MARCHF5: variants seen among roughly 807,000 people sequenced by gnomAD.
MARCHF5 encodes the protein E3 ubiquitin-protein ligase MARCHF5.
In MARCHF5, 5 loss-of-function variants were observed where a neutral mutation model predicts 36.5. The observed-to-expected ratio is 0.14, with a 90% CI of 0.07 to 0.29. MARCHF5 has a LOEUF of 0.29. MARCHF5 is among the 10% of genes least tolerant of loss of function. MARCHF5 has a pLI of 1.00. For missense variants in MARCHF5, 179 were observed against 336.3 expected, an observed-to-expected ratio of 0.53 and a Z score of 3.66; for synonymous variants, 103 against 109.9, an observed-to-expected ratio of 0.94 and a Z score of 0.39.
intron 2 of MARCHF5, among the ~76,000 whole-genome samples, chr10:92,338,246 A>G (rs916977087): frequency 2.0e-5 from 3 of 152,108 alleles, no homozygotes; most frequent in Non-Finnish European, 2.9e-5. Context: ...TTTTATATAT[A>G]CTTACGGTCT....
chr10:92,326,683 C>G (rs1248468404), intron 2 of MARCHF5, among the ~76,000 whole-genome samples: 3 of 151,918 alleles, frequency 2.0e-5, no homozygotes, highest in African/African-American at 7.3e-5. Flanking sequence ...TAACAAATTG[C>G]CTGTTCTCTT....
At chr10:92,305,618 C>T (rs187057280) in intron 1 of MARCHF5, among the ~76,000 whole-genome samples, 76 of 152,244 alleles carry the variant, frequency 5.0e-4, no homozygotes, top group Non-Finnish European at 7.4e-4. Flanking sequence ...GCTTATGCAT[C>T]ACACTGAGGA....
At chr10:92,317,259 T>C (rs1843223001) in intron 2 of MARCHF5, among the ~76,000 whole-genome samples, 1 of 152,004 alleles carries the variant, frequency 6.6e-6, no homozygotes, top group Admixed American at 6.6e-5. Flanking sequence ...CCAGCACGCC[T>C]GACTAATTTT....
intron 1 of MARCHF5, among the ~76,000 whole-genome samples, chr10:92,306,506 A>G (rs1030031456): frequency 3.9e-5 from 6 of 152,230 alleles, no homozygotes; most frequent in African/African-American, 7.2e-5. Flanking sequence ...TATGTACATT[A>G]AACATCAAAT....
chr10:92,344,392 G>A (rs1323537172), intron 3 of MARCHF5, among the ~76,000 whole-genome samples: 1 of 152,134 alleles, frequency 6.6e-6, no homozygotes, highest in Non-Finnish European at 1.5e-5. Flanking sequence ...TGAATTGGTA[G>A]AATGAAATAA....
intron 3 of MARCHF5, among the ~76,000 whole-genome samples, chr10:92,348,136 T>C (rs1843677021): frequency 6.7e-6 from 1 of 148,586 alleles, no homozygotes; most frequent in African/African-American, 2.5e-5. Context: ...TGAGCCAAGA[T>C]CGTGCCATTG....
intron 1 of MARCHF5, among the ~76,000 whole-genome samples, chr10:92,308,215 A>G (rs1177319793): frequency 6.6e-6 from 1 of 152,066 alleles, no homozygotes; most frequent in Admixed American, 6.6e-5. Flanking sequence ...TGCTGGGATT[A>G]TAGGCATGAG....
intron 3 of MARCHF5, among the ~76,000 whole-genome samples, chr10:92,343,224 C>G (rs1221749320): frequency 6.6e-6 from 1 of 152,138 alleles, no homozygotes; most frequent in Non-Finnish European, 1.5e-5. Context: ...CAACCTAATA[C>G]CTGCCCTTCT....
At chr10:92,307,069 A>G (rs1274082899) in intron 1 of MARCHF5, among the ~76,000 whole-genome samples, 1 of 152,102 alleles carries the variant, frequency 6.6e-6, no homozygotes, top group Non-Finnish European at 1.5e-5. Flanking sequence ...AGTCCTAGGT[A>G]ATCAGGACAC....
At chr10:92,348,847 C>G (rs1281289614) in intron 3 of MARCHF5, among the ~76,000 whole-genome samples, 1 of 152,134 alleles carries the variant, frequency 6.6e-6, no homozygotes, top group African/African-American at 2.4e-5. Flanking sequence ...ACATCACACC[C>G]TATCTTACAC....
At chr10:92,332,940 G>A (rs986034662) in intron 2 of MARCHF5, among the ~76,000 whole-genome samples, 3 of 151,918 alleles carry the variant, frequency 2.0e-5, no homozygotes, top group East Asian at 2.0e-4. Flanking sequence ...CAAGGCGGGC[G>A]GATTACCTGA....
Position 92,291,404 on chromosome 10 carries a change from G to A in MARCHF5, c.-91G>A. 1.7e-6 allele frequency: 2 copies of A among 1,187,728 alleles called. No homozygotes were observed. Among genetic ancestry groups the A allele is most frequent in the East Asian group, 5.3e-5 (2 of 38,032 alleles). 73.6% of individuals were successfully genotyped at this position (1,187,728 alleles called of 1,614,324 possible). On this transcript the variant is annotated 5_prime_UTR_variant, in exon 1 of 6. Coordinates refer to ENST00000358935, the MANE Select transcript of MARCHF5 (RefSeq NM_017824.5). ...GGTTCGCGGCTGCCGCCGGACTGCG[G>A]CCTACTCCGCCGCCTCTCAGTGCTA... is the stretch of plus-strand genomic sequence containing the variant.
intron 2 of MARCHF5, among the ~76,000 whole-genome samples, chr10:92,313,389 G>A (rs1843169066): frequency 6.6e-6 from 1 of 152,000 alleles, no homozygotes; most frequent in Non-Finnish European, 1.5e-5. Flanking sequence ...CAGATCACGA[G>A]GTCAGGAGAT....
At chr10:92,328,256 T>C (rs1316525450) in intron 2 of MARCHF5, among the ~76,000 whole-genome samples, 2 of 150,816 alleles carry the variant, frequency 1.3e-5, no homozygotes, top group Non-Finnish European at 3.0e-5. Context: ...CATTTAGTCA[T>C]GTCTCCTTAC....
chr10:92,299,587 AG>A lies in MARCHF5; in HGVS notation c.35+8059del, dbSNP rs1842988813. ...TAATAACTCCTTTCTGTGTTTCAAT[AG>A]AACCTTGTTGCATTTATTATAGTGT... is the stretch of plus-strand genomic sequence containing the variant. On this transcript the variant is annotated intron_variant, in intron 1 of 5. Coordinates refer to ENST00000358935, the MANE Select transcript of MARCHF5 (RefSeq NM_017824.5). Among the ~76,000 whole-genome samples the A allele has an allele frequency of 4.6e-5, 7 of 152,196 alleles. 1 individual carries two copies. Among genetic ancestry groups the A allele is most frequent in the Admixed American group, 4.6e-4 (7 of 15,262 alleles).
intron 2 of MARCHF5, among the ~76,000 whole-genome samples, chr10:92,338,201 G>A (rs1843528594): frequency 6.6e-6 from 1 of 151,698 alleles, no homozygotes; most frequent in Non-Finnish European, 1.5e-5. Flanking sequence ...AAAAAAAATC[G>A]AATTATCAAC....
intron 2 of MARCHF5, among the ~76,000 whole-genome samples, chr10:92,317,983 T>C (rs1040158273): frequency 1.4e-4 from 22 of 152,248 alleles, no homozygotes; most frequent in African/African-American, 5.1e-4. Flanking sequence ...ACTCCTGACC[T>C]CAGGTGATCC....
intron 3 of MARCHF5, among the ~76,000 whole-genome samples, chr10:92,348,360 G>T (rs964248959): frequency 1.0e-4 from 15 of 150,094 alleles, no homozygotes; most frequent in African/African-American, 3.2e-4. Context: ...ATGGTGGCAT[G>T]CCCCTGTAAT....
chr10:92,303,958 A>G (rs1433065339), intron 1 of MARCHF5, among the ~76,000 whole-genome samples: 2 of 152,216 alleles, frequency 1.3e-5, no homozygotes, highest in Admixed American at 6.5e-5. Flanking sequence ...GTAAATGAAT[A>G]TGCCCCAACT....
Sources: gnomAD v4.1 joint callset for allele counts (sites outside exome capture counted in the v4.1 genomes callset) on GRCh38, gnomAD v4.1.1 for gene constraint, MANE v1.5 for transcripts, NCBI Gene and HGNC (gene_info 2026-07-23, HGNC 2026-07-21) for gene names.